Variants in SCUBE1 observed in about 807,000 individuals in gnomAD.
SCUBE1 encodes signal peptide, CUB and EGF-like domain-containing protein 1.
A neutral mutation model predicts 124.4 loss-of-function variants in SCUBE1; 59 were observed. That is an observed-to-expected ratio of 0.47 (90% CI 0.38 to 0.59). The LOEUF (loss-of-function observed/expected upper bound fraction) is 0.59, where lower values mean the gene tolerates loss of function less well. Among genes scored for constraint, SCUBE1 ranks in the 20% least tolerant of loss-of-function variants. The probability of loss-of-function intolerance (pLI) is 0.00; values close to 1 mark genes in which losing one functional copy is unlikely to be tolerated. For synonymous variants in SCUBE1, 545 were observed against 550.9 expected (o/e 0.99, Z 0.15); for missense variants, 1,150 against 1,371.2 (o/e 0.84, Z 2.55).
intron 17 of SCUBE1, 89 bp downstream of exon 17, chr22:43,212,333 TGGA>T (rs1921599765): frequency 1.5e-6 from 2 of 1,344,498 alleles, no homozygotes; most frequent in Admixed American, 2.3e-5. Context: ...GTTCGCCACA[TGGA>T]GGAGATGAGA....
chr22:43,228,016 T>C (rs9612028), intron 9 of SCUBE1, among the ~76,000 whole-genome samples: 31,817 of 152,198 alleles, frequency 0.21, 4,538 homozygotes, highest in African/African-American at 0.4. Flanking sequence ...TTGAGCTGCC[T>C]GCACTCGGCA....
chr22:43,237,511 C>T (rs1297413431), intron 7 of SCUBE1: 3 of 152,202 alleles, frequency 2.0e-5, no homozygotes, highest in African/African-American at 7.2e-5. Context: ...GTGGCGAGGA[C>T]TCAGATGCCA....
chr22:43,266,515 G>A (rs904184015), intron 4 of SCUBE1, among the ~76,000 whole-genome samples: 6 of 152,176 alleles, frequency 3.9e-5, no homozygotes, highest in African/African-American at 1.2e-4. Flanking sequence ...AGAAGGTCAG[G>A]GTTGGACCCC....
At chr22:43,228,870 C>T (rs917439705) in intron 9 of SCUBE1, among the ~76,000 whole-genome samples, 6 of 152,264 alleles carry the variant, frequency 3.9e-5, no homozygotes, top group Admixed American at 6.5e-5. Context: ...CACCTCTAAC[C>T]GTTCCCTGCT....
chr22:43,248,036 C>T (rs2146695467), intron 6 of SCUBE1, among the ~76,000 whole-genome samples: 1 of 152,348 alleles, frequency 6.6e-6, no homozygotes, highest in Non-Finnish European at 1.5e-5. Flanking sequence ...GGGCTGGAGC[C>T]TATTCAGATT....
At position 43,247,255 on chromosome 22, in the gene SCUBE1, A is replaced by T. The variant is rs560367598; in HGVS notation, c.728-8301T>A. On this transcript the variant is annotated intron_variant, in intron 6 of 21. Transcript: ENST00000360835. ...GTGCAGCCTGTCCAGTGCCTCAGCT[A>T]AGCTTCTCCAGAGACTAGAAGCCAT... Among the ~76,000 whole-genome samples the T allele has an allele frequency of 2.0e-5, 3 of 152,314 alleles. No homozygotes were observed. The East Asian group carries it at 5.8e-4, about 29-fold the overall frequency.
At chr22:43,337,378 C>G (rs1927117211) in intron 2 of SCUBE1, among the ~76,000 whole-genome samples, 1 of 152,212 alleles carries the variant, frequency 6.6e-6, no homozygotes, top group Admixed American at 6.5e-5. Context: ...CTTAAACCAG[C>G]AGAGATAGGG....
chr22:43,291,599 C>T (rs1004555562), intron 3 of SCUBE1, among the ~76,000 whole-genome samples: 3 of 151,918 alleles, frequency 2.0e-5, no homozygotes, highest in African/African-American at 7.3e-5. Flanking sequence ...GTACGGTGGG[C>T]TCCCATGGCG....
At chr22:43,284,144 A>G (rs184181699) in intron 4 of SCUBE1, among the ~76,000 whole-genome samples, 2 of 152,378 alleles carry the variant, frequency 1.3e-5, no homozygotes. Context: ...GTAACAGTTA[A>G]TAAGAGCAGT....
chr22:43,338,154 C>T (rs1224295301), intron 2 of SCUBE1, among the ~76,000 whole-genome samples: 2 of 152,184 alleles, frequency 1.3e-5, no homozygotes, highest in Non-Finnish European at 2.9e-5. Context: ...TGAGGACGGC[C>T]ATGCAGACTC....
chr22:43,289,597 A>G (rs1925278339), intron 4 of SCUBE1, among the ~76,000 whole-genome samples: 2 of 152,196 alleles, frequency 1.3e-5, no homozygotes, highest in South Asian at 2.1e-4. Context: ...TCACTTTCTC[A>G]GGAACTGTTT....
At chr22:43,244,567 C>T (rs2146692020) in intron 6 of SCUBE1, among the ~76,000 whole-genome samples, 1 of 152,344 alleles carries the variant, frequency 6.6e-6, no homozygotes, top group Non-Finnish European at 1.5e-5. Flanking sequence ...GCGAATGTGC[C>T]CCTGGTGGAG....
intron 21 of SCUBE1, among the ~76,000 whole-genome samples, chr22:43,204,460 G>A (rs41277521): frequency 0.075 from 11,460 of 151,852 alleles, 579 homozygotes; most frequent in Non-Finnish European, 0.11. Flanking sequence ...CACCACACCT[G>A]GCTAAGTTTT....
At chr22:43,229,015 C>T (rs1481785870) in intron 9 of SCUBE1, 57 bp downstream of exon 9, 18 of 1,281,610 alleles carry the variant, frequency 1.4e-5, no homozygotes, top group African/African-American at 1.0e-4. Context: ...TGTAGGTGGC[C>T]GTGCGGCCAG....
intron 4 of SCUBE1, among the ~76,000 whole-genome samples, chr22:43,289,711 C>A (rs539164277): frequency 1.3e-5 from 2 of 152,216 alleles, no homozygotes; most frequent in African/African-American, 4.8e-5. Context: ...CATCTCTGAA[C>A]GCCCTGCCGG....
rs1165854040 is a variant in SCUBE1 at position 43,198,803 on chromosome 22, CT to C, written c.*5193del. On this transcript the variant is annotated 3_prime_UTR_variant, in exon 22 of 22. Transcript: ENST00000360835. Reference sequence around the variant, plus strand: ...AAGGTGAGCAGGCTGTCCAGGGCAGCTTGTCTGCTGTCTGGGGCAGGGTGTC... The same window carrying C: ...AAGGTGAGCAGGCTGTCCAGGGCAGCTGTCTGCTGTCTGGGGCAGGGTGTC... 3 of 435,296 alleles carry C rather than the reference CT, an allele frequency of 6.9e-6. No homozygotes were observed. The highest frequency in any genetic ancestry group is 2.0e-5 in the African/African-American group (1 of 49,766). 27.0% of individuals were successfully genotyped at this position (435,296 alleles called of 1,614,324 possible).
chr22:43,198,953 G>C lies in SCUBE1; in HGVS notation c.*5044C>G, dbSNP rs564508744. Reference sequence around the variant, plus strand: ...CAGTTTGTCTGTCTGTCTGCTGTCCGGGGCAGTTTTTCTGTCTGCTGTCCG... The same window carrying C: ...CAGTTTGTCTGTCTGTCTGCTGTCCCGGGCAGTTTTTCTGTCTGCTGTCCG... On this transcript the variant is annotated 3_prime_UTR_variant, in exon 22 of 22. Coordinates refer to ENST00000360835, the MANE Select transcript of SCUBE1 (RefSeq NM_173050.5). The C allele has an allele frequency of 2.2e-5, 8 of 365,442 alleles. No homozygotes were observed. The Admixed American group carries it at 2.9e-4, about 13-fold the overall frequency. 22.6% of individuals were successfully genotyped at this position (365,442 alleles called of 1,614,324 possible).
At chr22:43,226,609 C>T (rs1292829212) in intron 10 of SCUBE1, among the ~76,000 whole-genome samples, 13 of 22,164 alleles carry the variant, frequency 5.9e-4, no homozygotes, top group South Asian at 3.9e-3. Context: ...GGAGGAGTTA[C>T]CGGGGTTGGA....
intron 6 of SCUBE1, among the ~76,000 whole-genome samples, chr22:43,239,695 G>T (rs1922924572): frequency 6.6e-6 from 1 of 152,278 alleles, no homozygotes; most frequent in Non-Finnish European, 1.5e-5. Flanking sequence ...GATGCTGGGG[G>T]CTGGTCCAGC....
Sources: allele counts gnomAD v4.1 joint callset (sites outside exome capture counted in the v4.1 genomes callset), GRCh38; gene constraint gnomAD v4.1.1; transcripts MANE v1.5; gene names NCBI Gene and HGNC (gene_info 2026-07-23, HGNC 2026-07-21).